The following SLA2 variants were observed in gnomAD, a reference collection of about 807,000 sequenced individuals.
SLA2 encodes src-like-adapter 2.
SLA2 carries 22 observed loss-of-function variants against 27.3 expected under a neutral mutation model. The ratio of observed to expected loss-of-function variants is 0.81; its 90% confidence interval spans 0.58 to 1.15. SLA2 has a LOEUF of 1.15. SLA2 is among the 50% of genes most tolerant of loss of function. The probability of loss-of-function intolerance (pLI) is 0.00; values close to 1 mark genes in which losing one functional copy is unlikely to be tolerated. For missense variants in SLA2, 304 were observed against 322.2 expected (o/e 0.94, Z 0.43); for synonymous variants, 131 against 137.8 (o/e 0.95, Z 0.34).
rs113706506 is a variant in SLA2, at chr20:36,638,362, T to A, written c.91+2883A>T. On this transcript the variant is annotated intron_variant, in intron 2 of 7. Transcript: ENST00000262866. ...TGTTTTGTTTGAGACAGAGTCTTGC[T>A]CTGTCCCCCAGGCTGGAGTGCAGTG... Among the ~76,000 whole-genome samples, 661 of 152,052 alleles carry A rather than the reference T, an allele frequency of 4.3e-3. 6 individuals carry two copies. Among genetic ancestry groups the A allele is most frequent in the African/African-American group, 0.015 (634 of 41,472 alleles).
Position 36,619,626 on chromosome 20 carries a change from AT to A in SLA2, c.383-4253del, listed in dbSNP as rs969341487. Reference sequence around the variant, plus strand: ...AGACCCCCTTCCCATGTCTGTACAAATTTTTTTCTTTTTTTTTTTTTTGAGA... The same window carrying A: ...AGACCCCCTTCCCATGTCTGTACAAATTTTTTCTTTTTTTTTTTTTTGAGA... On this transcript the variant is annotated intron_variant, in intron 5 of 7. Coordinates refer to ENST00000262866, the MANE Select transcript of SLA2 (RefSeq NM_032214.4). Among the ~76,000 whole-genome samples, 8 of 147,396 alleles carry A rather than the reference AT, an allele frequency of 5.4e-5. No homozygotes were observed. In the Admixed American group the frequency reaches 5.5e-4, roughly 10 times the overall value.
intron 5 of SLA2, among the ~76,000 whole-genome samples, chr20:36,617,918 C>T (rs1354387839): frequency 2.0e-5 from 3 of 151,778 alleles, no homozygotes; most frequent in Non-Finnish European, 4.4e-5. Flanking sequence ...GAGGCTGAGG[C>T]AGGCAGATCA....
intron 5 of SLA2, among the ~76,000 whole-genome samples, chr20:36,619,835 T>C (rs1389071695): frequency 1.3e-5 from 2 of 150,686 alleles, no homozygotes; most frequent in Non-Finnish European, 3.0e-5. Flanking sequence ...GGTTTCACCA[T>C]GTTAGCCAGG....
intron 5 of SLA2, chr20:36,621,379 G>A (rs1467464476): frequency 3.4e-6 from 2 of 594,054 alleles, no homozygotes; most frequent in African/African-American, 3.7e-5. Context: ...TGGTGCTTAT[G>A]GATGTGGTGG....
At chr20:36,637,189 G>A (rs2039459581) in intron 2 of SLA2, among the ~76,000 whole-genome samples, 2 of 143,636 alleles carry the variant, frequency 1.4e-5, no homozygotes, top group South Asian at 2.2e-4. Flanking sequence ...GTGCGCGTGT[G>A]TGTATTTTTT....
chr20:36,644,809 G>A (rs1244212872), intron 1 of SLA2, among the ~76,000 whole-genome samples: 1 of 151,702 alleles, frequency 6.6e-6, no homozygotes, highest in African/African-American at 2.4e-5. Flanking sequence ...TGAGGCATCG[G>A]GTGAAAGGAA....
At chr20:36,629,405 C>T (rs994880240) in intron 5 of SLA2, among the ~76,000 whole-genome samples, 2 of 146,316 alleles carry the variant, frequency 1.4e-5, no homozygotes, top group African/African-American at 2.5e-5. Flanking sequence ...CCAAGGTGGG[C>T]GGATTATCTG....
intron 5 of SLA2, among the ~76,000 whole-genome samples, chr20:36,624,319 G>A (rs571876952): frequency 4.6e-4 from 70 of 152,086 alleles, no homozygotes; most frequent in Non-Finnish European, 7.9e-4. Context: ...CTCTAAACTC[G>A]CCACTCCCCT....
chr20:36,620,205 A>G (rs966071726), intron 5 of SLA2, among the ~76,000 whole-genome samples: 4 of 151,574 alleles, frequency 2.6e-5, no homozygotes, highest in African/African-American at 9.7e-5. Flanking sequence ...CCTGGCTAAC[A>G]TGGTGAAACC....
At chr20:36,629,137 C>G (rs1322635815) in intron 5 of SLA2, among the ~76,000 whole-genome samples, 1 of 150,988 alleles carries the variant, frequency 6.6e-6, no homozygotes, top group South Asian at 2.1e-4. Context: ...GATCTCGTCT[C>G]ACTGCAACCT....
At chr20:36,634,287 A>G (rs926477369) in intron 3 of SLA2, among the ~76,000 whole-genome samples, 2 of 151,020 alleles carry the variant, frequency 1.3e-5, no homozygotes, top group Non-Finnish European at 3.0e-5. Context: ...CGCCTGGCCC[A>G]TTCATTTATT....
At chr20:36,626,747 G>A (rs1410679032) in intron 5 of SLA2, among the ~76,000 whole-genome samples, 1 of 151,750 alleles carries the variant, frequency 6.6e-6, no homozygotes, top group Non-Finnish European at 1.5e-5. Flanking sequence ...GGGAGGCTGA[G>A]GCAGGAGAAT....
At position 36,614,813 on chromosome 20, in the gene SLA2, C is replaced by G. The variant is rs139052435; in HGVS notation, c.533-376G>C. ...TTTTCACAAGAGTGCTCTTCCCTCT[C>G]TGCCCCCTGACGCTGTGCCCAGTGA... On this transcript the variant is annotated intron_variant, in intron 6 of 7. Transcript: ENST00000262866. The G allele has an allele frequency of 1.0e-3, 987 of 985,454 alleles. 6 individuals carry two copies. In the African/African-American group the frequency reaches 0.016, roughly 16 times the overall value. 61.0% of individuals were successfully genotyped at this position (985,454 alleles called of 1,614,324 possible).
chr20:36,620,138 C>A (rs903922057), intron 5 of SLA2, among the ~76,000 whole-genome samples: 14 of 149,634 alleles, frequency 9.4e-5, no homozygotes, highest in Non-Finnish European at 3.0e-5. Flanking sequence ...CACCTGTAAT[C>A]CCAGCACTTT....
In SLA2 at chr20:36,613,566, CAA is replaced by C. The variant is rs1028250418; in HGVS notation, c.*298_*299del. The C allele has an allele frequency of 1.5e-5, 4 of 259,490 alleles. No homozygotes were observed. Among genetic ancestry groups the C allele is most frequent in the Admixed American group, 5.1e-5 (1 of 19,744 alleles). The allele number at this position is 259,490 out of a possible 1,614,324, so 16.1% of individuals were successfully genotyped here. A position where few individuals can be genotyped will look rare whatever the true frequency, so the allele number is the denominator to read the frequency against. ...CAGATGGTACTGGAAACCCCAAACTCAAGAACTAACTAGGTCAGACCCCCCAG... is the reference window on the plus strand; with the variant it reads ...CAGATGGTACTGGAAACCCCAAACTCGAACTAACTAGGTCAGACCCCCCAG... On this transcript the variant is annotated 3_prime_UTR_variant, in exon 8 of 8. Transcript: ENST00000262866.
In SLA2 at chr20:36,640,821, C is replaced by A. The variant is rs150634438; in HGVS notation, c.91+424G>T. The stretch of plus-strand genomic sequence containing the variant: ...CGTGAGCCACCGTGCCCCACCCTGG[C>A]CTAAAATGTTAAATTTAAGCAGTTA... On this transcript the variant is annotated intron_variant, in intron 2 of 7. Transcript: ENST00000262866. Among the ~76,000 whole-genome samples the A allele has an allele frequency of 5.3e-5, 8 of 152,176 alleles. No homozygotes were observed. The East Asian group carries it at 1.5e-3, about 29-fold the overall frequency.
rs1453606494 is a variant in SLA2, at chr20:36,612,644, C to T, written c.*1222G>A. Reference sequence around the variant, plus strand: ...GCACTGGAGGGGGTGCCTCCCACCCCATCCCTCTTTCTTCCTCTCCCTGAT... The same window carrying T: ...GCACTGGAGGGGGTGCCTCCCACCCTATCCCTCTTTCTTCCTCTCCCTGAT... On this transcript the variant is annotated 3_prime_UTR_variant, in exon 8 of 8. Transcript: ENST00000262866. 1.2e-5 allele frequency: 3 copies of T among 245,610 alleles called. No individual in the cohort carries two copies. Among genetic ancestry groups the T allele is most frequent in the Admixed American group, 1.0e-4 (2 of 19,766 alleles). The allele number at this position is 245,610 out of a possible 1,614,324, so 15.2% of individuals were successfully genotyped here.
chr20:36,616,341 T>C (rs2039210814), intron 5 of SLA2, among the ~76,000 whole-genome samples: 1 of 149,604 alleles, frequency 6.7e-6, no homozygotes, highest in Admixed American at 6.6e-5. Flanking sequence ...TCTTTTTTTT[T>C]TTTTTTGGAG....
intron 6 of SLA2, chr20:36,614,697 C>T (rs899139382): frequency 2.0e-6 from 2 of 985,262 alleles, no homozygotes; most frequent in Non-Finnish European, 2.4e-6. Flanking sequence ...TAGGAAATTG[C>T]TTTGGGAAGA....
Sources: allele counts gnomAD v4.1 joint callset (sites outside exome capture counted in the v4.1 genomes callset), GRCh38; gene constraint gnomAD v4.1.1; transcripts MANE v1.5; gene names NCBI Gene and HGNC (gene_info 2026-07-23, HGNC 2026-07-21).